EPHA3: variants seen among roughly 807,000 people sequenced by gnomAD.
EPHA3 encodes EPH receptor A3, also known as ephrin type-A receptor 3.
In EPHA3, 42 loss-of-function variants were observed where a neutral mutation model predicts 107.1. That is an observed-to-expected ratio of 0.39 (90% confidence interval 0.31 to 0.51). The LOEUF (loss-of-function observed/expected upper bound fraction) is 0.51. EPHA3 is among the 20% of genes least tolerant of loss of function. The probability of loss-of-function intolerance (pLI) is 0.78; values close to 1 mark genes in which losing one functional copy is unlikely to be tolerated. For synonymous variants in EPHA3, 461 were observed against 424.8 expected, an observed-to-expected ratio of 1.09 and a Z score of -1.05; for missense variants, 1,183 against 1,211.2, an observed-to-expected ratio of 0.98 and a Z score of 0.35.
chr3:89,126,690 CA>C (rs1236961292), intron 1 of EPHA3, among the ~76,000 whole-genome samples: 2 of 151,446 alleles, frequency 1.3e-5, no homozygotes, highest in Non-Finnish European at 3.0e-5. Flanking sequence ...ATAATGAATA[CA>C]TTTTTAAAAA....
chr3:89,342,141 T>A lies in EPHA3; in HGVS notation c.1306+51T>A, dbSNP rs1051879250. 2.7e-6 allele frequency: 4 copies of A among 1,477,912 alleles called. 1 individual carries two copies. In the African/African-American group the frequency reaches 5.7e-5, roughly 21 times the overall value. The allele number at this position is 1,477,912 out of a possible 1,614,324, so 91.5% of individuals were successfully genotyped here. A position where few individuals can be genotyped will look rare whatever the true frequency, so the allele number is the denominator to read the frequency against. On this transcript the variant is annotated intron_variant, in intron 5 of 16. Coordinates refer to ENST00000336596, the MANE Select transcript of EPHA3 (RefSeq NM_005233.6). ...CTCTTATCATATCACGTCTGAGTAA[T>A]GGTTTTGACTCTGGGTGGAAAACTG...
chr3:89,257,886 A>G (rs1350689296), intron 3 of EPHA3, among the ~76,000 whole-genome samples: 1 of 152,118 alleles, frequency 6.6e-6, no homozygotes, highest in Non-Finnish European at 1.5e-5. Flanking sequence ...ACCACTGGCC[A>G]ACATGGATGC....
intron 2 of EPHA3, among the ~76,000 whole-genome samples, chr3:89,196,676 CATA>C (rs1481959816): frequency 2.0e-5 from 3 of 152,052 alleles, no homozygotes; most frequent in African/African-American, 4.8e-5. Context: ...TTTCACTAGT[CATA>C]GTAGTCAAAA....
intron 11 of EPHA3, among the ~76,000 whole-genome samples, chr3:89,426,225 C>T (rs1709453965): frequency 6.6e-6 from 1 of 151,710 alleles, no homozygotes; most frequent in South Asian, 2.1e-4. Flanking sequence ...AGTACAAATA[C>T]ATGGCATAAT....
intron 9 of EPHA3, among the ~76,000 whole-genome samples, chr3:89,408,761 T>G (rs1421715250): frequency 1.3e-5 from 2 of 152,022 alleles, no homozygotes; most frequent in African/African-American, 4.8e-5. Flanking sequence ...TCCAGGTGTT[T>G]TGCGTTCCAA....
chr3:89,414,525 G>T (rs530265330), intron 10 of EPHA3, among the ~76,000 whole-genome samples: 98 of 151,708 alleles, frequency 6.5e-4, no homozygotes, highest in South Asian at 3.7e-3. Context: ...GATGCAGAAG[G>T]GTTTAGTCTG....
chr3:89,389,195 T>G (rs1708678772), intron 5 of EPHA3, among the ~76,000 whole-genome samples: 1 of 151,932 alleles, frequency 6.6e-6, no homozygotes, highest in African/African-American at 2.4e-5. Context: ...GTAGGAATGG[T>G]GAGTTGAAGA....
chr3:89,234,180 A>C (rs1426090226), intron 3 of EPHA3, among the ~76,000 whole-genome samples: 1 of 152,234 alleles, frequency 6.6e-6, no homozygotes, highest in African/African-American at 2.4e-5. Context: ...AATTATACAG[A>C]GCAGTAAGGA....
At chr3:89,136,770 A>G (rs1704324749) in intron 2 of EPHA3, among the ~76,000 whole-genome samples, 1 of 151,960 alleles carries the variant, frequency 6.6e-6, no homozygotes, top group Non-Finnish European at 1.5e-5. Context: ...AAAGTTAAAT[A>G]AAAAGCTAAG....
chr3:89,332,281 G>A (rs921198542), intron 3 of EPHA3, among the ~76,000 whole-genome samples: 2 of 152,092 alleles, frequency 1.3e-5, no homozygotes, highest in South Asian at 2.1e-4. Flanking sequence ...TCTTTGTGGC[G>A]AATGTACATT....
At chr3:89,131,392 GT>G (rs1348270197) in intron 2 of EPHA3, among the ~76,000 whole-genome samples, 1 of 152,026 alleles carries the variant, frequency 6.6e-6, no homozygotes, top group Non-Finnish European at 1.5e-5. Context: ...TTAGGTTATT[GT>G]TTTTTTCTAA....
intron 3 of EPHA3, among the ~76,000 whole-genome samples, chr3:89,242,308 A>G (rs1375614700): frequency 6.6e-6 from 1 of 152,232 alleles, no homozygotes; most frequent in East Asian, 1.9e-4. Flanking sequence ...TGGGAGATAC[A>G]CATTGATAAG....
At chr3:89,445,568 T>C (rs1268745399) in intron 13 of EPHA3, among the ~76,000 whole-genome samples, 14 of 152,172 alleles carry the variant, frequency 9.2e-5, no homozygotes, top group Admixed American at 8.5e-4. Flanking sequence ...GTTTCATTGT[T>C]GAACTGATTG....
chr3:89,336,396 G>C (rs1707393734), intron 3 of EPHA3, among the ~76,000 whole-genome samples: 1 of 152,074 alleles, frequency 6.6e-6, no homozygotes, highest in Non-Finnish European at 1.5e-5. Flanking sequence ...TTTTTTGAAG[G>C]ATAAAGAAGA....
intron 15 of EPHA3, among the ~76,000 whole-genome samples, chr3:89,471,992 T>G (rs1710412369): frequency 1.3e-5 from 2 of 152,126 alleles, no homozygotes; most frequent in Admixed American, 1.3e-4. Context: ...TAGCCTAGAT[T>G]GTTCAAGCCA....
chr3:89,480,457 G>A lies in EPHA3; in HGVS notation c.*955G>A, dbSNP rs1337938328. 1.3e-5 allele frequency: 3 copies of A among 233,280 alleles called. No homozygotes were observed. The highest frequency in any genetic ancestry group is 5.6e-5 in the Admixed American group (1 of 17,784). The allele number at this position is 233,280 out of a possible 1,614,324, so 14.5% of individuals were successfully genotyped here. A position where few individuals can be genotyped will look rare whatever the true frequency, so the allele number is the denominator to read the frequency against. Reference sequence around the variant, plus strand: ...CTTGTATGCAATGGATTTTCAACCAGATAACATACCTTTCCTGCTCTGGTG... The same window carrying A: ...CTTGTATGCAATGGATTTTCAACCAAATAACATACCTTTCCTGCTCTGGTG... On this transcript the variant is annotated 3_prime_UTR_variant, in exon 17 of 17. Coordinates refer to ENST00000336596, the MANE Select transcript of EPHA3 (RefSeq NM_005233.6).
chr3:89,440,030 G>C (rs1461980342), intron 13 of EPHA3, among the ~76,000 whole-genome samples: 2 of 151,894 alleles, frequency 1.3e-5, no homozygotes, highest in African/African-American at 4.8e-5. Context: ...CTACCTAAAG[G>C]ATCATTTATC....
intron 3 of EPHA3, among the ~76,000 whole-genome samples, chr3:89,339,387 A>AG (rs1444673216): frequency 1.1e-4 from 16 of 150,440 alleles, no homozygotes; most frequent in Admixed American, 5.3e-4. Context: ...AAAAAAAAAA[A>AG]AAAGAAAGAA....
At chr3:89,230,826 A>T (rs33999943) in intron 3 of EPHA3, among the ~76,000 whole-genome samples, 5,115 of 96,902 alleles carry the variant, frequency 0.053, 73 homozygotes, top group African/African-American at 0.13. Flanking sequence ...TCTCTCTCTC[A>T]CACACACACA....
Sources: gnomAD v4.1 joint callset for allele counts (sites outside exome capture counted in the v4.1 genomes callset) on GRCh38, gnomAD v4.1.1 for gene constraint, MANE v1.5 for transcripts, NCBI Gene and HGNC (gene_info 2026-07-23, HGNC 2026-07-21) for gene names.